RBM5: variants seen among roughly 807,000 people sequenced by gnomAD.
RBM5 encodes the protein RNA-binding protein 5.
RBM5 carries 15 observed loss-of-function variants against 124.6 expected under a neutral mutation model. That is an observed-to-expected ratio of 0.12 (90% CI 0.08 to 0.19). RBM5 has a LOEUF of 0.19. Ranked by LOEUF, RBM5 falls within the 10% of genes least tolerant of loss-of-function variation. RBM5 has a pLI of 1.00. For missense variants in RBM5, 580 were observed against 1,026.5 expected, an observed-to-expected ratio of 0.57 and a Z score of 5.94; for synonymous variants, 337 against 361.2, an observed-to-expected ratio of 0.93 and a Z score of 0.76.
intron 1 of RBM5, among the ~76,000 whole-genome samples, chr3:50,089,464 A>C (rs2090661292): frequency 1.3e-5 from 2 of 152,134 alleles, no homozygotes; most frequent in South Asian, 4.1e-4. Context: ...CGGGAGGGGC[A>C]TGTGCGGGGA....
At chr3:50,095,142 A>G (rs560844350) in intron 4 of RBM5, among the ~76,000 whole-genome samples, 3 of 152,284 alleles carry the variant, frequency 2.0e-5, no homozygotes, top group Non-Finnish European at 2.9e-5. Flanking sequence ...CGGAGTTTAC[A>G]ATGAGCCAAG....
At chr3:50,107,203 A>G (rs1292437268) in intron 11 of RBM5, 1 of 622,708 alleles carries the variant, frequency 1.6e-6, no homozygotes, top group Non-Finnish European at 2.9e-6. Flanking sequence ...TTTCATGTAT[A>G]TAGTGCTTAA....
rs543201768 is a variant in RBM5 at position 50,099,845 on chromosome 3, A to G, written c.340-137A>G. On this transcript the variant is annotated intron_variant, in intron 4 of 24. Coordinates refer to ENST00000347869, the MANE Select transcript of RBM5 (RefSeq NM_005778.4). The stretch of plus-strand genomic sequence containing the variant: ...CCACTGCACTCCAGCCTGGGCAATC[A>G]AGTGAGTGAGAGACAGAGACTCCCA... 8.6e-5 allele frequency: 57 copies of G among 666,352 alleles called. No homozygotes were observed. The Middle Eastern group carries it at 2.1e-3, about 24-fold the overall frequency. 41.3% of individuals were successfully genotyped at this position (666,352 alleles called of 1,614,324 possible).
chr3:50,091,287 T>C (rs1045450683), intron 2 of RBM5, among the ~76,000 whole-genome samples: 1 of 152,258 alleles, frequency 6.6e-6, no homozygotes, highest in African/African-American at 2.4e-5. Context: ...TAAATTTGTA[T>C]ATTCTAAATG....
chr3:50,102,766 T>C lies in RBM5; in HGVS notation c.484-317T>C, dbSNP rs555608707. 9 of 321,892 alleles carry C rather than the reference T, an allele frequency of 2.8e-5. No homozygotes were observed. The East Asian group carries it at 4.4e-4, about 16-fold the overall frequency. 19.9% of individuals were successfully genotyped at this position (321,892 alleles called of 1,614,324 possible). A position where few individuals can be genotyped will look rare whatever the true frequency, so the allele number is the denominator to read the frequency against. Reference sequence around the variant, plus strand: ...GTCTTCTGCTTTTTGAAGTAGACTGTCACACTCAGGCAGCCTGTCAATGCT... The same window carrying C: ...GTCTTCTGCTTTTTGAAGTAGACTGCCACACTCAGGCAGCCTGTCAATGCT... On this transcript the variant is annotated intron_variant, in intron 6 of 24. Coordinates refer to ENST00000347869, the MANE Select transcript of RBM5 (RefSeq NM_005778.4).
At position 50,089,665 on chromosome 3, in the gene RBM5, C is replaced by G. The variant is rs1276102931; in HGVS notation, c.-54+636C>G. Among the ~76,000 whole-genome samples the G allele has an allele frequency of 3.3e-5, 5 of 152,168 alleles. No homozygotes were observed. The East Asian group carries it at 9.6e-4, about 29-fold the overall frequency. ...TTCAACAAATCGTTGAGCATTCGCTCTAGACTAGGCTTCCAGAGACTACTG... is the reference window on the plus strand; with the variant it reads ...TTCAACAAATCGTTGAGCATTCGCTGTAGACTAGGCTTCCAGAGACTACTG... On this transcript the variant is annotated intron_variant, in intron 1 of 24. Coordinates refer to ENST00000347869, the MANE Select transcript of RBM5 (RefSeq NM_005778.4).
intron 8 of RBM5, 193 bp from the exon 9 acceptor site, chr3:50,104,884 C>T (rs762208230): frequency 5.8e-6 from 3 of 519,430 alleles, no homozygotes; most frequent in Non-Finnish European, 1.0e-5. Context: ...GTCAGTCCCA[C>T]TGTGGCCCAA....
chr3:50,114,154 C>T, intron 19 of RBM5, 26 bp from the exon 20 acceptor site: 1 of 1,614,116 alleles, frequency 6.2e-7, no homozygotes, highest in Non-Finnish European at 8.5e-7. Context: ...AAACTTGAGT[C>T]TCATGGCTTG....
chr3:50,115,987 G>A lies in RBM5; in HGVS notation c.2094+7G>A. On this transcript the variant is annotated splice_region_variant and intron_variant, in intron 22 of 24. Coordinates refer to ENST00000347869, the MANE Select transcript of RBM5 (RefSeq NM_005778.4). Reference sequence around the variant, plus strand: ...GGAGCTAAGGGAGAGAGAGGTGAATGGGAAACTGTGCCACAAGGAAGAGGA... The same window carrying A: ...GGAGCTAAGGGAGAGAGAGGTGAATAGGAAACTGTGCCACAAGGAAGAGGA... 6.2e-7 allele frequency: 1 copy of A among 1,608,226 alleles called. No individual in the cohort carries two copies. The highest frequency in any genetic ancestry group is 8.5e-7 in the Non-Finnish European group (1 of 1,174,700).
At chr3:50,111,821 C>T (rs1050310408) in intron 17 of RBM5, among the ~76,000 whole-genome samples, 1 of 152,074 alleles carries the variant, frequency 6.6e-6, no homozygotes, top group Non-Finnish European at 1.5e-5. Context: ...GCATATATAA[C>T]TTTTAAAAGG....
chr3:50,116,288 C>A (rs1385012785), intron 22 of RBM5: 1 of 304,208 alleles, frequency 3.3e-6, no homozygotes, highest in African/African-American at 2.1e-5. Context: ...TTTGGCCTGG[C>A]CAGGGAAGCC....
intron 18 of RBM5, 47 bp downstream of exon 18, chr3:50,113,591 T>C: frequency 1.3e-6 from 2 of 1,547,684 alleles, no homozygotes; most frequent in Middle Eastern, 1.8e-4. Flanking sequence ...TGGGCTGAAC[T>C]CTTAGTTTTG....
At chr3:50,114,362 A>G in intron 20 of RBM5, 111 bp downstream of exon 20, 1 of 1,079,224 alleles carries the variant, frequency 9.3e-7, no homozygotes, top group East Asian at 2.5e-5. Flanking sequence ...GAATGTGATC[A>G]CTGTTGATGG....
chr3:50,091,513 A>G lies in RBM5; in HGVS notation c.18-530A>G, dbSNP rs1439623403. ...TAAGGGGTGCTAGTTTTGGGTAACT[A>G]TCCAGTTGTATCTGACAGACAACTA... On this transcript the variant is annotated intron_variant, in intron 2 of 24. Coordinates refer to ENST00000347869, the MANE Select transcript of RBM5 (RefSeq NM_005778.4). Among the ~76,000 whole-genome samples, 6 of 152,200 alleles carry G rather than the reference A, an allele frequency of 3.9e-5. No individual in the cohort carries two copies. In the South Asian group the frequency reaches 1.2e-3, roughly 32 times the overall value.
intron 4 of RBM5, among the ~76,000 whole-genome samples, chr3:50,099,030 G>A (rs13095697): frequency 0.22 from 33,205 of 152,034 alleles, 3,921 homozygotes; most frequent in Middle Eastern, 0.27. Flanking sequence ...CAAGGTGGCC[G>A]GATCGCTTGA....
chr3:50,107,735 G>A (rs1361191626), intron 12 of RBM5, among the ~76,000 whole-genome samples, 166 bp downstream of exon 12: 2 of 130,380 alleles, frequency 1.5e-5, no homozygotes, highest in East Asian at 2.1e-4. Context: ...CACCCGGGCT[G>A]GAGTGCAATG....
At chr3:50,098,087 A>G (rs2090858594) in intron 4 of RBM5, among the ~76,000 whole-genome samples, 1 of 151,912 alleles carries the variant, frequency 6.6e-6, no homozygotes, top group South Asian at 2.1e-4. Context: ...ACAGAGTGAG[A>G]CTCCATCTCA....
rs2090994938 is a variant in RBM5, at chr3:50,104,403, C to T, written c.628+95C>T. The T allele has an allele frequency of 4.1e-6, 5 of 1,211,304 alleles. No homozygotes were observed. The South Asian group carries it at 5.0e-5, about 12-fold the overall frequency. 75.0% of individuals were successfully genotyped at this position (1,211,304 alleles called of 1,614,324 possible). On this transcript the variant is annotated intron_variant, in intron 8 of 24. Transcript: ENST00000347869. ...CTGTAATCCCACCACTTTGCAAGGC[C>T]AAGGTGGGAAGATCACTTGAGGACA...
intron 2 of RBM5, among the ~76,000 whole-genome samples, chr3:50,090,729 G>T (rs2090688013): frequency 6.6e-6 from 1 of 152,190 alleles, no homozygotes; most frequent in Admixed American, 6.5e-5. Flanking sequence ...ATATTCTCTG[G>T]AAGGAAGCTG....
Sources: allele counts gnomAD v4.1 joint callset (sites outside exome capture counted in the v4.1 genomes callset), GRCh38; gene constraint gnomAD v4.1.1; transcripts MANE v1.5; gene names NCBI Gene and HGNC (gene_info 2026-07-23, HGNC 2026-07-21).